Variants in MAK16 observed in about 807,000 individuals in gnomAD.
The protein encoded by MAK16 is protein MAK16 homolog.
MAK16 carries 12 observed loss-of-function variants against 49.9 expected under a neutral mutation model. That is an observed-to-expected ratio of 0.24 (90% CI 0.15 to 0.39). The LOEUF (loss-of-function observed/expected upper bound fraction) is 0.39, where lower values mean the gene tolerates loss of function less well. Ranked by LOEUF, MAK16 falls within the 10% of genes least tolerant of loss-of-function variation. The pLI is 1.00. For synonymous variants in MAK16, 115 were observed against 126.4 expected (o/e 0.91, Z 0.60); for missense variants, 292 against 363.7 (o/e 0.80, Z 1.60).
chr8:33,499,013 C>CT lies in MAK16; in HGVS notation c.*387dup, dbSNP rs1808956288. ...AGGAGTTCAATTTTTTCTTGTTCTA[C>CT]TTTCCCTATTCTTATGGAGGTAAAA... On this transcript the variant is annotated 3_prime_UTR_variant, in exon 10 of 10. Coordinates refer to ENST00000360128, the MANE Select transcript of MAK16 (RefSeq NM_032509.4). 3.1e-6 allele frequency: 2 copies of CT among 650,678 alleles called. No homozygotes were observed. Among genetic ancestry groups the CT allele is most frequent in the Non-Finnish European group, 5.3e-6 (2 of 378,688 alleles). The allele number at this position is 650,678 out of a possible 1,614,324, so 40.3% of individuals were successfully genotyped here.
intron 6 of MAK16, among the ~76,000 whole-genome samples, chr8:33,491,899 G>T (rs1808785196): frequency 6.6e-6 from 1 of 152,106 alleles, no homozygotes; most frequent in Admixed American, 6.6e-5. Flanking sequence ...CTCCCAAAGT[G>T]CTGGGATTAC....
At chr8:33,492,449 C>A (rs1050595010) in intron 6 of MAK16, among the ~76,000 whole-genome samples, 9 of 152,100 alleles carry the variant, frequency 5.9e-5, no homozygotes, top group African/African-American at 1.2e-4. Context: ...GCTTTGGTTA[C>A]CTTTGCTTGT....
rs1808994240 is a variant in MAK16, at chr8:33,499,716, T to G, written c.*1087T>G. On this transcript the variant is annotated 3_prime_UTR_variant, in exon 10 of 10. Transcript: ENST00000360128. The stretch of plus-strand genomic sequence containing the variant: ...TTGTCCAGTGACTTATGGCATGAAT[T>G]TCTTTTCATGCTACCTTCAATCTTC... The G allele has an allele frequency of 6.0e-6, 1 of 167,304 alleles. No individual in the cohort carries two copies. The highest frequency in any genetic ancestry group is 1.5e-4 in the South Asian group (1 of 6,654). The allele number at this position is 167,304 out of a possible 1,614,324, so 10.4% of individuals were successfully genotyped here.
In MAK16 at chr8:33,500,269, C is replaced by CAT; in HGVS notation, c.*1641_*1642dup. The CAT allele has an allele frequency of 3.1e-6, 5 of 1,599,146 alleles. No individual in the cohort carries two copies. Among genetic ancestry groups the CAT allele is most frequent in the Non-Finnish European group, 4.3e-6 (5 of 1,167,848 alleles). ...ACATACATAGTAAATTATAATCAATCATGGGAATTACATAAGGATAATGAG... is the reference window on the plus strand; with the variant it reads ...ACATACATAGTAAATTATAATCAATCATATGGGAATTACATAAGGATAATGAG... On this transcript the variant is annotated 3_prime_UTR_variant, in exon 10 of 10. Coordinates refer to ENST00000360128, the MANE Select transcript of MAK16 (RefSeq NM_032509.4).
Position 33,490,390 on chromosome 8 carries a change from C to G in MAK16, c.447+51C>G, listed in dbSNP as rs956399633. The G allele has an allele frequency of 2.8e-6, 4 of 1,415,922 alleles. No homozygotes were observed. The Admixed American group carries it at 5.2e-5, about 18-fold the overall frequency. 87.7% of individuals were successfully genotyped at this position (1,415,922 alleles called of 1,614,324 possible). A position where few individuals can be genotyped will look rare whatever the true frequency, so the allele number is the denominator to read the frequency against. The stretch of plus-strand genomic sequence containing the variant: ...CCTTCTACATTTTCTTTCTGGGGGT[C>G]TCTTATAGATTCAGTCACCATCATT... On this transcript the variant is annotated intron_variant, in intron 6 of 9. Coordinates refer to ENST00000360128, the MANE Select transcript of MAK16 (RefSeq NM_032509.4).
At chr8:33,496,943 C>A (rs1267693751) in intron 8 of MAK16, among the ~76,000 whole-genome samples, 2 of 152,134 alleles carry the variant, frequency 1.3e-5, no homozygotes, top group Admixed American at 6.5e-5. Context: ...ATTTATTGGT[C>A]TTCTAAAATT....
Position 33,488,542 on chromosome 8 carries a change from C to A in MAK16, c.88C>A (p.Arg30=). The part of the protein sequence containing the change: ...KIRTKTQSFC[R]NEYSLTGLCN... Reference sequence around the variant, plus strand: ...TAGAACCAAGACTCAGAGCTTCTGCCGAAATGAATATAGCCTGACTGGACT... The same window carrying A: ...TAGAACCAAGACTCAGAGCTTCTGCAGAAATGAATATAGCCTGACTGGACT... The change falls in exon 3 of 10, where the codon CGA becomes AGA. Residue 30 remains arginine, a synonymous_variant. Transcript: ENST00000360128. 2 of 1,614,024 alleles carry A rather than the reference C, an allele frequency of 1.2e-6. No individual in the cohort carries two copies. The highest frequency in any genetic ancestry group is 2.2e-5 in the South Asian group (2 of 91,058).
chr8:33,488,947 A>G, intron 4 of MAK16, 41 bp from the exon 5 acceptor site: 3 of 1,613,510 alleles, frequency 1.9e-6, no homozygotes, highest in Non-Finnish European at 2.5e-6. Flanking sequence ...CTAATGAATC[A>G]TTTACACTTG....
chr8:33,488,401 C>G lies in MAK16; in HGVS notation c.39C>G (p.Asn13Lys). The G allele has an allele frequency of 6.2e-7, 1 of 1,614,164 alleles. No homozygotes were observed. Among genetic ancestry groups the G allele is most frequent in the Non-Finnish European group, 8.5e-7 (1 of 1,180,020 alleles). Residue 13 changes from asparagine to lysine, a missense_variant, in exon 2 of 10, where the codon AAC (asparagine) becomes AAG (lysine). Physicochemically the swap from Asn to Lys is moderately conservative, Grantham distance 94. Transcript: ENST00000360128. ...AGGTTATCTGGGATACACTAGGAAACAAGCAATTTTGTTCCTTCAAAATAA... is the reference window on the plus strand; with the variant it reads ...AGGTTATCTGGGATACACTAGGAAAGAAGCAATTTTGTTCCTTCAAAATAA... ...SDDVIWDTLG[N>K]KQFCSFKIRT...
chr8:33,497,219 G>A lies in MAK16; in HGVS notation c.640-13G>A. 1 of 1,587,384 alleles carries A rather than the reference G, an allele frequency of 6.3e-7. No homozygotes were observed. Among genetic ancestry groups the A allele is most frequent in the Non-Finnish European group, 8.6e-7 (1 of 1,157,972 alleles). ...TATGTATTCTGAACCTAACAGTTAT[G>A]TTTTATTTATAGGATGTGGGGAAAA... On this transcript the variant is annotated splice_polypyrimidine_tract_variant and intron_variant, in intron 8 of 9. Transcript: ENST00000360128.
intron 6 of MAK16, among the ~76,000 whole-genome samples, chr8:33,492,314 A>G (rs192783247): frequency 1.3e-5 from 2 of 152,282 alleles, no homozygotes; most frequent in East Asian, 3.9e-4. Context: ...GCTGGCCTGT[A>G]TTCTGGTTAT....
intron 1 of MAK16, 106 bp from the exon 2 acceptor site, chr8:33,488,272 A>C: frequency 8.1e-7 from 1 of 1,240,366 alleles, no homozygotes; most frequent in Non-Finnish European, 1.2e-6. Flanking sequence ...GCTATTTTAC[A>C]AAACATTTCT....
rs778999174 is a variant in MAK16 at position 33,499,227 on chromosome 8, G to A, written c.*598G>A. The A allele has an allele frequency of 1.9e-6, 3 of 1,613,996 alleles. No homozygotes were observed. In the South Asian group the frequency reaches 3.3e-5, roughly 18 times the overall value. Reference sequence around the variant, plus strand: ...AAACCTGCTGCACTTTTCTGATATAGTTCACCACTTTTCTGTCTTCACAGC... The same window carrying A: ...AAACCTGCTGCACTTTTCTGATATAATTCACCACTTTTCTGTCTTCACAGC... On this transcript the variant is annotated 3_prime_UTR_variant, in exon 10 of 10. Transcript: ENST00000360128.
chr8:33,498,676 T>G lies in MAK16; in HGVS notation c.*47T>G, dbSNP rs1189212774. ...CCAGGACTGAACATGCAGAACTGTT[T>G]TTTTTTTTTTTTTATCTTAAACACA... On this transcript the variant is annotated 3_prime_UTR_variant, in exon 10 of 10. Transcript: ENST00000360128. 12 of 1,415,710 alleles carry G rather than the reference T, an allele frequency of 8.5e-6. No homozygotes were observed. In the Admixed American group the frequency reaches 1.6e-4, roughly 18 times the overall value. 87.7% of individuals were successfully genotyped at this position (1,415,710 alleles called of 1,614,324 possible). A position where few individuals can be genotyped will look rare whatever the true frequency, so the allele number is the denominator to read the frequency against.
chr8:33,485,414 C>A, intron 1 of MAK16, 193 bp downstream of exon 1: 1 of 715,060 alleles, frequency 1.4e-6, no homozygotes, highest in Non-Finnish European at 2.4e-6. Flanking sequence ...GCTGCCCCGG[C>A]CGGGTTGTGA....
At chr8:33,490,130 G>T (rs1177560549) in intron 5 of MAK16, among the ~76,000 whole-genome samples, 155 bp from the exon 6 acceptor site, 1 of 152,128 alleles carries the variant, frequency 6.6e-6, no homozygotes, top group African/African-American at 2.4e-5. Flanking sequence ...TGTTTGAATC[G>T]CTAGCCTCCG....
intron 6 of MAK16, among the ~76,000 whole-genome samples, chr8:33,490,649 A>G (rs1321250889): frequency 6.6e-6 from 1 of 152,210 alleles, no homozygotes; most frequent in Non-Finnish European, 1.5e-5. Context: ...TACATACTAC[A>G]TAAAACCTTT....
At position 33,498,704 on chromosome 8, in the gene MAK16, C is replaced by T. The variant is rs148803378; in HGVS notation, c.*75C>T. On this transcript the variant is annotated 3_prime_UTR_variant, in exon 10 of 10. Transcript: ENST00000360128. The stretch of plus-strand genomic sequence containing the variant: ...TTTTTTTTTTTATCTTAAACACATA[C>T]ACACCTCCAGTTTTTGCTCTTTTGT... 107 of 1,249,800 alleles carry T rather than the reference C, an allele frequency of 8.6e-5. No individual in the cohort carries two copies. The highest frequency in any genetic ancestry group is 3.1e-4 in the Admixed American group (13 of 41,792). 77.4% of individuals were successfully genotyped at this position (1,249,800 alleles called of 1,614,324 possible).
chr8:33,487,015 T>C (rs1345109101), intron 1 of MAK16, among the ~76,000 whole-genome samples: 2 of 152,228 alleles, frequency 1.3e-5, no homozygotes, highest in Non-Finnish European at 2.9e-5. Flanking sequence ...GACACACCTA[T>C]AAAATTCTTA....
Sources: allele counts gnomAD v4.1 joint callset (sites outside exome capture counted in the v4.1 genomes callset), GRCh38; gene constraint gnomAD v4.1.1; transcripts MANE v1.5; gene names NCBI Gene and HGNC (gene_info 2026-07-23, HGNC 2026-07-21).